The following CFAP99 variants were observed in gnomAD, a reference collection of about 807,000 sequenced individuals.
The protein encoded by CFAP99 is cilia and flagella associated protein 99.
A neutral mutation model predicts 82.7 loss-of-function variants in CFAP99; 84 were observed. The ratio of observed to expected loss-of-function variants is 1.02; its 90% CI spans 0.85 to 1.22. The LOEUF is 1.22. CFAP99 is among the 50% of genes most tolerant of loss of function. The pLI, the probability that CFAP99 is intolerant of heterozygous loss-of-function variation, is 0.00. For missense variants in CFAP99, 1,059 were observed against 983.5 expected, an observed-to-expected ratio of 1.08 and a Z score of -1.03; for synonymous variants, 456 against 429.5, an observed-to-expected ratio of 1.06 and a Z score of -0.76.
At chr4:2,449,727 A>G in exon 7 of CFAP99, 3 of 1,536,072 alleles carry the variant, frequency 2.0e-6, no homozygotes, top group Non-Finnish European at 2.6e-6. Flanking sequence ...GACAGTCAAG[A>G]GGTACAACCG....
chr4:2,420,416 T>TA (rs1326428678), intron 1 of CFAP99, among the ~76,000 whole-genome samples: 2 of 152,114 alleles, frequency 1.3e-5, no homozygotes, highest in African/African-American at 4.8e-5. Context: ...TCTTCCCCCA[T>TA]AAAACCTGCT....
At chr4:2,424,704 C>G (rs561776332) in intron 1 of CFAP99, among the ~76,000 whole-genome samples, 35 of 152,358 alleles carry the variant, frequency 2.3e-4, no homozygotes, top group African/African-American at 7.9e-4. Flanking sequence ...CTACCTGCAT[C>G]GCAGCCTGGA....
chr4:2,462,801 G>A lies in CFAP99; in HGVS notation c.2020G>A (p.Gly674Ser), dbSNP rs1272420664. ...CCCTGCCCGCGCCGACGCGTTCCCC[G>A]GCCTGCAGGCGCAGCTAGAGGCGCA... The change falls in exon 15 of 15, where the codon GGC (glycine) becomes AGC (serine). Residue 674 changes from glycine (G) to serine (S), a missense_variant. Transcript: ENST00000635017. This position sits in a 1 kb window ranked among gnomAD's most constrained non-coding sequence, Gnocchi z 4.1. 2 of 1,306,396 alleles carry A rather than the reference G, an allele frequency of 1.5e-6. No individual in the cohort carries two copies. Among genetic ancestry groups the A allele is most frequent in the African/African-American group, 3.1e-5 (2 of 64,520 alleles). 80.9% of individuals were successfully genotyped at this position (1,306,396 alleles called of 1,614,324 possible). A position where few individuals can be genotyped will look rare whatever the true frequency, so the allele number is the denominator to read the frequency against.
chr4:2,460,418 G>A (rs929244687), intron 14 of CFAP99, among the ~76,000 whole-genome samples, 176 bp downstream of exon 14: 1 of 152,194 alleles, frequency 6.6e-6, no homozygotes, highest in African/African-American at 2.4e-5. Flanking sequence ...CCAGGCACAT[G>A]GGAATGGTGC....
intron 4 of CFAP99, among the ~76,000 whole-genome samples, chr4:2,441,542 G>A (rs371827521): frequency 3.9e-5 from 6 of 152,296 alleles, no homozygotes; most frequent in South Asian, 2.1e-4. Context: ...AATTTGGGGC[G>A]CTGGCCACAC....
chr4:2,435,252 G>T (rs1733882982), intron 2 of CFAP99, among the ~76,000 whole-genome samples: 1 of 146,022 alleles, frequency 6.8e-6, no homozygotes. Context: ...AGCTGAAATT[G>T]TACCACTGCA....
chr4:2,422,095 A>T (rs1733596576), intron 1 of CFAP99, among the ~76,000 whole-genome samples: 1 of 152,222 alleles, frequency 6.6e-6, no homozygotes, highest in Admixed American at 6.5e-5. Context: ...TGTAGCTGAG[A>T]TGCTGAAAGC....
chr4:2,459,970 G>A (rs1439612956), intron 13 of CFAP99, 67 bp from the exon 14 acceptor site: 16 of 1,428,772 alleles, frequency 1.1e-5, no homozygotes, highest in Non-Finnish European at 1.4e-5. Context: ...ACAGGGGAGG[G>A]ATCCTGGTGG....
chr4:2,445,105 G>A (rs1734130130), intron 5 of CFAP99, 26 bp from the exon 6 acceptor site: 2 of 1,318,546 alleles, frequency 1.5e-6, no homozygotes, highest in Non-Finnish European at 1.9e-6. Context: ...GTGACCATAA[G>A]AGGTGTTTCC....
In CFAP99 at chr4:2,446,365, GTTGTTA is replaced by G. The variant is rs1379148692; in HGVS notation, c.642+1060_642+1065del. Among the ~76,000 whole-genome samples, 4 of 145,074 alleles carry G rather than the reference GTTGTTA, an allele frequency of 2.8e-5. No individual in the cohort carries two copies. Among genetic ancestry groups the G allele is most frequent in the Admixed American group, 2.1e-4 (3 of 14,586 alleles). ...TCTCTTTTTATTTCATTTTATTATT[GTTGTTA>G]TTATTATTATTATTATTATTATTAT... On this transcript the variant is annotated intron_variant, in intron 6 of 14. Coordinates refer to ENST00000635017, the Ensembl canonical transcript of CFAP99. The surrounding 1 kb of genome is among the most constrained non-coding windows in gnomAD (Gnocchi z 5.0).
chr4:2,425,205 T>G (rs1308824141), intron 1 of CFAP99, among the ~76,000 whole-genome samples: 1 of 152,228 alleles, frequency 6.6e-6, no homozygotes, highest in East Asian at 1.9e-4. Flanking sequence ...TTTCTAGGCT[T>G]TTTCCTGCCT....
At chr4:2,461,349 G>C (rs1223288349) in intron 14 of CFAP99, among the ~76,000 whole-genome samples, 1 of 152,200 alleles carries the variant, frequency 6.6e-6, no homozygotes, top group Non-Finnish European at 1.5e-5. Context: ...TTTCTGAGTG[G>C]GACTAGGTGT....
intron 1 of CFAP99, among the ~76,000 whole-genome samples, chr4:2,419,582 A>T (rs1733501491): frequency 6.6e-6 from 1 of 152,142 alleles, no homozygotes; most frequent in Non-Finnish European, 1.5e-5. Flanking sequence ...TGCAGATGTA[A>T]GACACAGGAG....
chr4:2,432,736 G>C (rs1041982302), intron 2 of CFAP99, among the ~76,000 whole-genome samples: 3 of 152,190 alleles, frequency 2.0e-5, no homozygotes, highest in African/African-American at 7.2e-5. Context: ...TCCCTGGTTG[G>C]GGACTGAGGA....
chr4:2,451,792 A>T (rs1448667296), intron 10 of CFAP99, among the ~76,000 whole-genome samples: 3 of 152,130 alleles, frequency 2.0e-5, no homozygotes, highest in African/African-American at 7.2e-5. Flanking sequence ...CAGATGGTGC[A>T]CAGGGGCAAG....
chr4:2,441,577 C>A (rs1013345276), intron 4 of CFAP99, among the ~76,000 whole-genome samples: 16 of 152,098 alleles, frequency 1.1e-4, no homozygotes, highest in African/African-American at 1.7e-4. Flanking sequence ...CAGGGTGGTG[C>A]CCCCAACACT....
intron 4 of CFAP99, among the ~76,000 whole-genome samples, chr4:2,438,845 G>A (rs1008243612): frequency 6.6e-6 from 1 of 152,190 alleles, no homozygotes; most frequent in Non-Finnish European, 1.5e-5. Flanking sequence ...TGCTGCTTTT[G>A]TCCTGGGGAA....
chr4:2,420,601 T>A (rs190189535), intron 1 of CFAP99, among the ~76,000 whole-genome samples: 2 of 152,296 alleles, frequency 1.3e-5, no homozygotes, highest in East Asian at 3.9e-4. Flanking sequence ...AAATTGTGCA[T>A]GGGATGAAGG....
chr4:2,449,101 C>G lies in CFAP99; in HGVS notation c.643-569C>G, dbSNP rs561094969. On this transcript the variant is annotated intron_variant, in intron 6 of 14. Transcript: ENST00000635017. ...AAGGCATGGAGTTAGGAGGGTAATA[C>G]AGCAGTCTGGAGCTCAGGGATATCT... 1.2e-4 allele frequency among the ~76,000 whole-genome samples: 19 copies of G among 152,156 alleles called. No homozygotes were observed. In the East Asian group the frequency reaches 3.5e-3, roughly 28 times the overall value.
Sources: allele counts gnomAD v4.1 joint callset (sites outside exome capture counted in the v4.1 genomes callset), GRCh38; gene constraint gnomAD v4.1.1; non-coding constraint Gnocchi (gnomAD v3.1); transcripts MANE v1.5; gene names NCBI Gene and HGNC (gene_info 2026-07-23, HGNC 2026-07-21).